COL27A1: variants seen among roughly 807,000 people sequenced by gnomAD.
The protein encoded by COL27A1 is collagen type XXVII alpha 1 chain.
Under a neutral mutation model 251.3 loss-of-function variants are expected in COL27A1, and 106 were observed. The ratio of observed to expected loss-of-function variants is 0.42; its 90% CI spans 0.36 to 0.50. The LOEUF (loss-of-function observed/expected upper bound fraction) is 0.50. Among genes scored for constraint, COL27A1 ranks in the 20% least tolerant of loss-of-function variants. The pLI, the probability that COL27A1 is intolerant of heterozygous loss-of-function variation, is 0.00. For synonymous variants in COL27A1, 1,000 were observed against 986.3 expected (o/e 1.01, Z -0.26); for missense variants, 2,325 against 2,522.8 (o/e 0.92, Z 1.68).
chr9:114,248,768 T>G (rs1314835522), intron 24 of COL27A1, among the ~76,000 whole-genome samples: 1 of 152,214 alleles, frequency 6.6e-6, no homozygotes, highest in East Asian at 1.9e-4. Context: ...TAGAGGTTTA[T>G]GACCCGCTTG....
chr9:114,234,017 C>G (rs1046348597), intron 16 of COL27A1, among the ~76,000 whole-genome samples: 2 of 152,060 alleles, frequency 1.3e-5, no homozygotes, highest in Non-Finnish European at 2.9e-5. Flanking sequence ...TTCCATGACC[C>G]AGCCTGGACT....
intron 7 of COL27A1, among the ~76,000 whole-genome samples, chr9:114,200,574 G>C (rs1054882297): frequency 6.6e-6 from 1 of 152,188 alleles, no homozygotes; most frequent in African/African-American, 2.4e-5. Context: ...AGGCATCCAC[G>C]GAGCAGAGTT....
intron 49 of COL27A1, among the ~76,000 whole-genome samples, chr9:114,293,251 T>A (rs989890424): frequency 2.0e-5 from 3 of 152,172 alleles, no homozygotes; most frequent in African/African-American, 4.8e-5. Context: ...CTGAAAGATC[T>A]CCAAACATCT....
In COL27A1 at chr9:114,287,973, T is replaced by A. The variant is rs181982721; in HGVS notation, c.3988-482T>A. On this transcript the variant is annotated intron_variant, in intron 41 of 60. Transcript: ENST00000356083. The stretch of plus-strand genomic sequence containing the variant: ...ACTGGCCCAGAGCAGTGCCCATGCG[T>A]GCCAGCTGCTGGAGTTGGTGTTACT... Among the ~76,000 whole-genome samples the A allele has an allele frequency of 3.8e-3, 581 of 152,302 alleles. 2 individuals carry two copies. Among genetic ancestry groups the A allele is most frequent in the Non-Finnish European group, 5.7e-3 (390 of 68,010 alleles).
chr9:114,260,251 A>G (rs1371198723), intron 28 of COL27A1, among the ~76,000 whole-genome samples: 3 of 152,162 alleles, frequency 2.0e-5, no homozygotes, highest in African/African-American at 7.2e-5. Flanking sequence ...CAGGCTTCCA[A>G]CCTCGTCAGT....
chr9:114,182,918 G>C (rs1369191418), intron 4 of COL27A1, 104 bp from the exon 5 acceptor site: 1 of 1,011,328 alleles, frequency 9.9e-7, no homozygotes, highest in Admixed American at 1.8e-5. Flanking sequence ...TTGGGGAGAA[G>C]ATAAACCAGT....
intron 4 of COL27A1, among the ~76,000 whole-genome samples, chr9:114,182,184 A>T (rs1323294820): frequency 4.4e-5 from 4 of 90,850 alleles, no homozygotes; most frequent in Admixed American, 4.2e-4. Flanking sequence ...ATAAAATAAT[A>T]ATAATAAAAT....
intron 37 of COL27A1, among the ~76,000 whole-genome samples, chr9:114,277,083 T>C (rs143604604): frequency 6.6e-6 from 1 of 152,196 alleles, no homozygotes; most frequent in Non-Finnish European, 1.5e-5. Flanking sequence ...TGTGGGGCTG[T>C]GAGGATGAGC....
At chr9:114,263,698 T>C (rs1457411527) in intron 28 of COL27A1, among the ~76,000 whole-genome samples, 1 of 152,074 alleles carries the variant, frequency 6.6e-6, no homozygotes, top group East Asian at 1.9e-4. Flanking sequence ...CTCCCAGCAA[T>C]CAGGGACCAA....
At chr9:114,289,868 C>G (rs2131622474) in intron 45 of COL27A1, among the ~76,000 whole-genome samples, 190 bp from the exon 46 acceptor site, 1 of 152,280 alleles carries the variant, frequency 6.6e-6, no homozygotes, top group Middle Eastern at 3.4e-3. Context: ...CCAGAGCAGG[C>G]TCAGTGACAG....
chr9:114,207,052 C>T (rs900805597), intron 10 of COL27A1, among the ~76,000 whole-genome samples: 1 of 152,208 alleles, frequency 6.6e-6, no homozygotes, highest in Non-Finnish European at 1.5e-5. Context: ...TGGATGGCCC[C>T]AGCTTACACT....
intron 34 of COL27A1, among the ~76,000 whole-genome samples, chr9:114,268,041 A>T (rs1225547279): frequency 1.3e-5 from 2 of 152,236 alleles, no homozygotes; most frequent in Non-Finnish European, 2.9e-5. Context: ...ACTTGAGTCC[A>T]GTCACCCCCT....
chr9:114,265,465 C>A lies in COL27A1; in HGVS notation c.3383C>A (p.Pro1128Gln). ...PSGPPGTKGL[P>Q]GEPGPQGPQG... ...GGCCCCCCAGGCACCAAGGGCCTCC[C>A]AGGAGAACCGGTAAGAGCCCTTTCC... The change falls in exon 32 of 61, where the codon CCA becomes CAA. Residue 1128 changes from proline (P) to glutamine (Q), a missense_variant. By Grantham distance (76) the Pro-to-Gln change is moderately conservative. Around this residue, in one of 4 missense-constraint regions of COL27A1, gnomAD observed 662 missense variants for 795.3 expected, o/e 0.83. Coordinates refer to ENST00000356083, the MANE Select transcript of COL27A1 (RefSeq NM_032888.4). The A allele has an allele frequency of 6.2e-7, 1 of 1,613,910 alleles. No individual in the cohort carries two copies. The highest frequency in any genetic ancestry group is 8.5e-7 in the Non-Finnish European group (1 of 1,179,942).
chr9:114,267,336 T>C (rs1258307423), intron 33 of COL27A1, among the ~76,000 whole-genome samples, 168 bp from the exon 34 acceptor site: 1 of 152,164 alleles, frequency 6.6e-6, no homozygotes, highest in Non-Finnish European at 1.5e-5. Context: ...CCCAGCCCCC[T>C]AGTTCCAGCT....
At chr9:114,276,058 G>C (rs1440478287) in intron 37 of COL27A1, among the ~76,000 whole-genome samples, 1 of 152,096 alleles carries the variant, frequency 6.6e-6, no homozygotes, top group Non-Finnish European at 1.5e-5. Flanking sequence ...ACTTTTTTCA[G>C]TTTCTTGGAC....
intron 34 of COL27A1, 47 bp downstream of exon 34, chr9:114,267,604 C>G: frequency 1.3e-6 from 2 of 1,524,280 alleles, no homozygotes; most frequent in Non-Finnish European, 1.8e-6. Flanking sequence ...GAAACCAGCT[C>G]CCAGATGGTG....
chr9:114,299,281 T>C (rs1163641362), intron 49 of COL27A1, among the ~76,000 whole-genome samples: 1 of 129,578 alleles, frequency 7.7e-6, no homozygotes, highest in Non-Finnish European at 1.6e-5. Flanking sequence ...CCTGGTCTTA[T>C]AATATAAGGC....
chr9:114,282,869 G>C lies in COL27A1; in HGVS notation c.3879+305G>C, dbSNP rs146490148. On this transcript the variant is annotated intron_variant, in intron 39 of 60. Transcript: ENST00000356083. ...TAATAAGCCTTGTTATTAGCATCGG[G>C]GGAGAAAGGACCAGATTCTTAGAAC... Among the ~76,000 whole-genome samples the C allele has an allele frequency of 5.9e-3, 905 of 152,362 alleles. 14 individuals carry two copies. Among genetic ancestry groups the C allele is most frequent in the African/African-American group, 0.02 (842 of 41,582 alleles).
At chr9:114,277,472 C>A (rs901346384) in intron 37 of COL27A1, among the ~76,000 whole-genome samples, 19 of 152,150 alleles carry the variant, frequency 1.2e-4, no homozygotes, top group Non-Finnish European at 4.4e-5. Context: ...GTTTTTCCCC[C>A]CTGAAGTGTT....
Sources: allele counts gnomAD v4.1 joint callset (sites outside exome capture counted in the v4.1 genomes callset), GRCh38; gene constraint gnomAD v4.1.1; regional missense constraint gnomAD v4.1.1; transcripts MANE v1.5; gene names NCBI Gene and HGNC (gene_info 2026-07-23, HGNC 2026-07-21).